Variants in RELN observed in about 807,000 individuals in gnomAD.
The protein encoded by RELN is reelin.
A neutral mutation model predicts 427.6 loss-of-function variants in RELN; 108 were observed. The observed-to-expected ratio is 0.25, with a 90% CI of 0.22 to 0.30. The LOEUF is 0.30. Ranked by LOEUF, RELN falls within the 10% of genes least tolerant of loss-of-function variation. The probability of loss-of-function intolerance (pLI) is 1.00; values close to 1 mark genes in which losing one functional copy is unlikely to be tolerated. For synonymous variants in RELN, 1,524 were observed against 1,513.4 expected, an observed-to-expected ratio of 1.01 and a Z score of -0.16; for missense variants, 3,715 against 4,302.8, an observed-to-expected ratio of 0.86 and a Z score of 3.82.
intron 3 of RELN, among the ~76,000 whole-genome samples, chr7:103,798,554 G>C (rs1274150239): frequency 6.6e-6 from 1 of 152,160 alleles, no homozygotes; most frequent in East Asian, 1.9e-4. Context: ...GTAAGGTTTA[G>C]AATTTATCTG....
At chr7:103,565,624 A>G in intron 33 of RELN, 73 bp from the exon 34 acceptor site, 2 of 1,459,656 alleles carry the variant, frequency 1.4e-6, no homozygotes, top group Non-Finnish European at 1.9e-6. Context: ...GCTTATAATA[A>G]ACATCTTCAA....
chr7:103,669,028 T>C (rs1012905617), intron 11 of RELN, among the ~76,000 whole-genome samples: 1 of 152,180 alleles, frequency 6.6e-6, no homozygotes, highest in African/African-American at 2.4e-5. Flanking sequence ...TTTTCTAGAT[T>C]AATTTAAATG....
intron 6 of RELN, among the ~76,000 whole-genome samples, chr7:103,729,952 C>T (rs543297837): frequency 1.3e-5 from 2 of 151,844 alleles, no homozygotes; most frequent in African/African-American, 2.4e-5. Flanking sequence ...ATGCAAATGA[C>T]TTCTTACTAC....
intron 3 of RELN, among the ~76,000 whole-genome samples, chr7:103,810,906 T>TTTAA (rs1464919224): frequency 6.6e-6 from 1 of 152,212 alleles, no homozygotes; most frequent in African/African-American, 2.4e-5. Flanking sequence ...CCTTGCTGCA[T>TTTAA]ATTAAGCTGT....
At chr7:103,803,717 T>C (rs1792525376) in intron 3 of RELN, among the ~76,000 whole-genome samples, 1 of 152,106 alleles carries the variant, frequency 6.6e-6, no homozygotes, top group African/African-American at 2.4e-5. Context: ...CTGCAAATTA[T>C]AATGGGTAAA....
intron 49 of RELN, among the ~76,000 whole-genome samples, chr7:103,518,391 G>A (rs1829621127): frequency 7.1e-6 from 1 of 140,190 alleles, no homozygotes; most frequent in Admixed American, 7.5e-5. Flanking sequence ...AGAGCATAGT[G>A]CCACAATCAT....
chr7:103,616,328 G>A (rs1832077934), intron 20 of RELN, among the ~76,000 whole-genome samples: 1 of 151,984 alleles, frequency 6.6e-6, no homozygotes, highest in Non-Finnish European at 1.5e-5. Context: ...ATGAATGTAC[G>A]CCTCTCTGAT....
intron 24 of RELN, among the ~76,000 whole-genome samples, chr7:103,598,816 C>T (rs954626676): frequency 2.0e-5 from 3 of 152,170 alleles, no homozygotes; most frequent in Admixed American, 2.0e-4. Flanking sequence ...AGGGAAATGG[C>T]TCATGGCAAA....
At chr7:103,822,176 T>G (rs1793031246) in intron 3 of RELN, among the ~76,000 whole-genome samples, 1 of 152,064 alleles carries the variant, frequency 6.6e-6, no homozygotes, top group Non-Finnish European at 1.5e-5. Context: ...CTTTTAACTT[T>G]GTGATGACAA....
intron 53 of RELN, 101 bp from the exon 54 acceptor site, chr7:103,498,353 G>C (rs986216501): frequency 3.8e-6 from 4 of 1,057,498 alleles, no homozygotes; most frequent in African/African-American, 3.2e-5. Context: ...AAAAAAAATA[G>C]AGCTGATTTC....
At chr7:103,571,069 A>G (rs1830872264) in intron 31 of RELN, among the ~76,000 whole-genome samples, 1 of 152,228 alleles carries the variant, frequency 6.6e-6, no homozygotes. Flanking sequence ...TAAAAGTACT[A>G]AGATATTCAG....
intron 2 of RELN, among the ~76,000 whole-genome samples, chr7:103,898,774 A>C (rs1795017594): frequency 6.6e-6 from 1 of 152,058 alleles, no homozygotes; most frequent in Non-Finnish European, 1.5e-5. Flanking sequence ...TTGGTTGTTT[A>C]AAAGCTAAAG....
intron 2 of RELN, among the ~76,000 whole-genome samples, chr7:103,902,833 A>C (rs1215952487): frequency 6.6e-6 from 1 of 152,148 alleles, no homozygotes; most frequent in African/African-American, 2.4e-5. Context: ...TTTCAAATTC[A>C]TATGTTGCAT....
At chr7:103,730,566 G>A (rs536907578) in intron 6 of RELN, among the ~76,000 whole-genome samples, 1 of 151,918 alleles carries the variant, frequency 6.6e-6, no homozygotes, top group South Asian at 2.1e-4. Context: ...TCCACTAGAC[G>A]CTTCTCTTCT....
Position 103,603,347 on chromosome 7 carries a change from C to T in RELN, c.3290G>A (p.Gly1097Glu). 2 of 1,613,868 alleles carry T rather than the reference C, an allele frequency of 1.2e-6. No homozygotes were observed. The highest frequency in any genetic ancestry group is 1.7e-6 in the Non-Finnish European group (2 of 1,179,850). ...IGGEIVKPEQ[G>E]CGVISSGSSL... The stretch of plus-strand genomic sequence containing the variant: ...TGATCCAGAAGAGATGACACCACAC[C>T]CTTGTTCTGGTTTTACAATTTCTCC... Residue 1097 changes from glycine (G) to glutamate (E), a missense_variant, in exon 24 of 65, where the codon GGG becomes GAG. Coordinates refer to ENST00000428762, the MANE Select transcript of RELN (RefSeq NM_005045.4). This position sits in a 1 kb window ranked among gnomAD's most constrained non-coding sequence, Gnocchi z 4.3.
rs139718356 is a variant in RELN at position 103,668,359 on chromosome 7, A to G, written c.1290-6832T>C. On this transcript the variant is annotated intron_variant, in intron 11 of 64. Transcript: ENST00000428762. The stretch of plus-strand genomic sequence containing the variant: ...AAGTTGAAATATTTGACATTTTAAA[A>G]CCAATTTCTCTTTAATTTCTTGCCA... 2.0e-3 allele frequency among the ~76,000 whole-genome samples: 304 copies of G among 152,286 alleles called. 2 individuals are homozygous for G. The highest frequency in any genetic ancestry group is 7.1e-3 in the African/African-American group (294 of 41,568).
intron 26 of RELN, 51 bp downstream of exon 26, chr7:103,594,270 A>T: frequency 1.3e-6 from 2 of 1,519,156 alleles, no homozygotes; most frequent in Non-Finnish European, 1.8e-6. Context: ...TCTTTATGCC[A>T]TTCACTTTTA....
chr7:103,849,858 GT>G (rs1793777650), intron 2 of RELN, among the ~76,000 whole-genome samples: 1 of 152,144 alleles, frequency 6.6e-6, no homozygotes, highest in South Asian at 2.1e-4. Context: ...TACGGAAAAA[GT>G]TTTTCAACTC....
intron 1 of RELN, among the ~76,000 whole-genome samples, chr7:103,972,955 A>G (rs1245627319): frequency 1.3e-5 from 2 of 151,284 alleles, no homozygotes; most frequent in Non-Finnish European, 2.9e-5. Context: ...TATGATTGAC[A>G]CCAAAAAAGA....
Sources: allele counts gnomAD v4.1 joint callset (sites outside exome capture counted in the v4.1 genomes callset), GRCh38; gene constraint gnomAD v4.1.1; non-coding constraint Gnocchi (gnomAD v3.1); transcripts MANE v1.5; gene names NCBI Gene and HGNC (gene_info 2026-07-23, HGNC 2026-07-21).